Variants in RASGRP3 observed in about 807,000 individuals in gnomAD.
The protein encoded by RASGRP3 is RAS guanyl releasing protein 3.
A neutral mutation model predicts 82.7 loss-of-function variants in RASGRP3; 54 were observed. The ratio of observed to expected loss-of-function variants is 0.65; its 90% CI spans 0.52 to 0.82. The LOEUF (loss-of-function observed/expected upper bound fraction) is 0.82, where lower values mean the gene tolerates loss of function less well. Among genes scored for constraint, RASGRP3 ranks in the 40% least tolerant of loss-of-function variants. RASGRP3 has a pLI of 0.00. For missense variants in RASGRP3, 861 were observed against 828.9 expected, an observed-to-expected ratio of 1.04 and a Z score of -0.48; for synonymous variants, 309 against 300.5, an observed-to-expected ratio of 1.03 and a Z score of -0.29.
intron 4 of RASGRP3, among the ~76,000 whole-genome samples, chr2:33,517,054 C>T (rs1243666839): frequency 2.6e-5 from 4 of 152,222 alleles, no homozygotes; most frequent in East Asian, 1.9e-4. Context: ...ATAATATGCT[C>T]TTACTTGGGC....
chr2:33,451,091 C>G (rs1665775339), intron 2 of RASGRP3, among the ~76,000 whole-genome samples: 1 of 151,842 alleles, frequency 6.6e-6, no homozygotes. Context: ...GTCTCCAACT[C>G]CTGACCTCGT....
chr2:33,527,548 A>C, intron 10 of RASGRP3, 136 bp downstream of exon 10: 27 of 947,992 alleles, frequency 2.8e-5, no homozygotes, highest in Non-Finnish European at 3.8e-5. Flanking sequence ...AGGAAATCTC[A>C]TAGAACAAGG....
intron 13 of RASGRP3, 107 bp downstream of exon 13, chr2:33,543,734 T>C (rs1674485499): frequency 4.0e-6 from 3 of 759,156 alleles, no homozygotes; most frequent in Non-Finnish European, 6.4e-6. Flanking sequence ...GCTTCAACCC[T>C]GGTGCTTTGA....
chr2:33,463,433 A>T (rs768091164), intron 2 of RASGRP3, among the ~76,000 whole-genome samples: 13 of 152,162 alleles, frequency 8.5e-5, no homozygotes, highest in Non-Finnish European at 1.2e-4. Flanking sequence ...GACAGGGAAA[A>T]GAAAGAGAAC....
chr2:33,443,595 C>T (rs571064901), intron 1 of RASGRP3, among the ~76,000 whole-genome samples: 4 of 151,604 alleles, frequency 2.6e-5, no homozygotes, highest in East Asian at 1.9e-4. Flanking sequence ...GAACACCCTA[C>T]AGCACAGTCC....
At chr2:33,532,297 G>A (rs895399915) in intron 10 of RASGRP3, 17 of 152,186 alleles carry the variant, frequency 1.1e-4, no homozygotes, top group African/African-American at 3.4e-4. Flanking sequence ...AAGGTCCAAC[G>A]TTAGGCTGAC....
At chr2:33,513,064 A>AAGAT (rs1244988195) in intron 2 of RASGRP3, among the ~76,000 whole-genome samples, 1 of 152,234 alleles carries the variant, frequency 6.6e-6, no homozygotes, top group Non-Finnish European at 1.5e-5. Context: ...ACTTTGTTAA[A>AAGAT]AGATATAAAA....
intron 2 of RASGRP3, among the ~76,000 whole-genome samples, chr2:33,453,427 T>C (rs1244218739): frequency 6.6e-6 from 1 of 152,220 alleles, no homozygotes; most frequent in Non-Finnish European, 1.5e-5. Context: ...ACCATCTTGC[T>C]GAGGTCTGCT....
intron 1 of RASGRP3, among the ~76,000 whole-genome samples, chr2:33,489,684 C>A (rs1016236893): frequency 6.6e-6 from 1 of 152,126 alleles, no homozygotes; most frequent in African/African-American, 2.4e-5. Context: ...TATAGGCAGG[C>A]ACCACCACAC....
In RASGRP3 at chr2:33,538,736, C is replaced by G. The variant is rs186344927; in HGVS notation, c.1162-358C>G. Among the ~76,000 whole-genome samples the G allele has an allele frequency of 1.5e-3, 223 of 151,982 alleles. 2 individuals carry two copies. The highest frequency in any genetic ancestry group is 2.1e-3 in the Non-Finnish European group (141 of 67,978). On this transcript the variant is annotated intron_variant, in intron 11 of 17. Coordinates refer to ENST00000403687, the MANE Select transcript of RASGRP3 (RefSeq NM_001139488.2). ...TCCCTGGTCCTAGTTGTTCAAGGCCCCAGTTAATGTTGAAAAATATGGCCA... is the reference window on the plus strand; with the variant it reads ...TCCCTGGTCCTAGTTGTTCAAGGCCGCAGTTAATGTTGAAAAATATGGCCA...
chr2:33,486,452 G>A (rs1175214723), intron 1 of RASGRP3, among the ~76,000 whole-genome samples: 2 of 152,084 alleles, frequency 1.3e-5, no homozygotes, highest in African/African-American at 4.8e-5. Flanking sequence ...ACAGCTGTGA[G>A]CCACTGCTCC....
At chr2:33,508,173 G>A (rs536052191) in intron 1 of RASGRP3, among the ~76,000 whole-genome samples, 4 of 152,136 alleles carry the variant, frequency 2.6e-5, no homozygotes, top group Non-Finnish European at 5.9e-5. Flanking sequence ...CAAGTTTGTG[G>A]GAGGAAAATG....
intron 10 of RASGRP3, among the ~76,000 whole-genome samples, chr2:33,529,218 G>T (rs754948191): frequency 1.3e-5 from 2 of 152,050 alleles, no homozygotes; most frequent in Non-Finnish European, 2.9e-5. Flanking sequence ...GTACTGGCTG[G>T]GCGTGGTGGC....
chr2:33,488,841 T>TG (rs1457018942), intron 1 of RASGRP3, among the ~76,000 whole-genome samples: 1 of 152,206 alleles, frequency 6.6e-6, no homozygotes, highest in Non-Finnish European at 1.5e-5. Context: ...TTTTTGTTGA[T>TG]GAAGATATCG....
intron 1 of RASGRP3, among the ~76,000 whole-genome samples, chr2:33,483,553 A>G (rs1448190493): frequency 6.8e-6 from 1 of 147,678 alleles, no homozygotes; most frequent in African/African-American, 2.5e-5. Context: ...CAGTGGCACA[A>G]TCTTAGCTCA....
At chr2:33,468,038 T>A (rs934583189) in intron 2 of RASGRP3, among the ~76,000 whole-genome samples, 1 of 127,474 alleles carries the variant, frequency 7.8e-6, no homozygotes, top group Non-Finnish European at 1.7e-5. Flanking sequence ...CTTTCTTTCT[T>A]TCTTTCTCTC....
Position 33,561,354 on chromosome 2 carries a change from A to G in RASGRP3, c.2065-1375A>G, listed in dbSNP as rs533888873. Among the ~76,000 whole-genome samples the G allele has an allele frequency of 5.3e-5, 8 of 152,342 alleles. 1 individual carries two copies. In the East Asian group the frequency reaches 1.5e-3, roughly 29 times the overall value. On this transcript the variant is annotated intron_variant, in intron 17 of 17. Coordinates refer to ENST00000403687, the MANE Select transcript of RASGRP3 (RefSeq NM_001139488.2). ...AGTGCTAGGATTACAGACGTAAGCC[A>G]TCGCGCCCAGCTGTGTTTTTATCTC... is the stretch of plus-strand genomic sequence containing the variant.
chr2:33,530,485 C>T (rs1456685514), intron 10 of RASGRP3, among the ~76,000 whole-genome samples: 2 of 150,894 alleles, frequency 1.3e-5, no homozygotes, highest in Admixed American at 6.6e-5. Context: ...GTAACATCAC[C>T]CCTGCCCCTT....
intron 1 of RASGRP3, chr2:33,492,985 C>G (rs1156307970): frequency 6.6e-6 from 1 of 152,194 alleles, no homozygotes; most frequent in Non-Finnish European, 1.5e-5. Flanking sequence ...TCTGCAGTGA[C>G]AGGGTGAAGT....
Sources: allele counts gnomAD v4.1 joint callset (sites outside exome capture counted in the v4.1 genomes callset), GRCh38; gene constraint gnomAD v4.1.1; transcripts MANE v1.5; gene names NCBI Gene and HGNC (gene_info 2026-07-23, HGNC 2026-07-21).